The following ABCC2 variants were observed in gnomAD, a reference collection of about 807,000 sequenced individuals.
ABCC2 encodes ATP binding cassette subfamily C member 2, also known as ATP-binding cassette sub-family C member 2.
ABCC2 carries 157 observed loss-of-function variants against 173.4 expected under a neutral mutation model. That is an observed-to-expected ratio of 0.91 (90% confidence interval 0.80 to 1.03). The LOEUF (loss-of-function observed/expected upper bound fraction) is 1.03. Ranked by LOEUF, ABCC2 falls within the 50% of genes least tolerant of loss-of-function variation. ABCC2 has a pLI of 0.00. For synonymous variants in ABCC2, 657 were observed against 693.5 expected (o/e 0.95, Z 0.83); for missense variants, 1,822 against 1,852.3 (o/e 0.98, Z 0.30).
Position 99,800,415 on chromosome 10 carries a change from A to G in ABCC2, c.1061A>G (p.Asp354Gly). 1 of 1,614,122 alleles carries G rather than the reference A, an allele frequency of 6.2e-7. No individual in the cohort carries two copies. Among genetic ancestry groups the G allele is most frequent in the Non-Finnish European group, 8.5e-7 (1 of 1,180,010 alleles). The change falls in exon 9 of 32, where the codon GAC (aspartate) becomes GGC (glycine). Residue 354 changes from aspartate to glycine, a missense_variant. Asp to Gly is a moderately conservative substitution (Grantham distance 94). Transcript: ENST00000647814. ...CTGATCTCCTTTGCAAGTGACCGTG[A>G]CACATATTTGTGGATTGGATATCTC... ...KLLISFASDR[D>G]TYLWIGYLCA...
chr10:99,785,664 G>A (rs2037695959), intron 2 of ABCC2, among the ~76,000 whole-genome samples: 1 of 151,940 alleles, frequency 6.6e-6, no homozygotes, highest in Non-Finnish European at 1.5e-5. Context: ...GATTACAGGA[G>A]CACGCCACCA....
chr10:99,845,549 G>C lies in ABCC2; in HGVS notation c.3988-75G>C, dbSNP rs930226754. 3 of 1,576,554 alleles carry C rather than the reference G, an allele frequency of 1.9e-6. No individual in the cohort carries two copies. The African/African-American group carries it at 4.1e-5, about 21-fold the overall frequency. On this transcript the variant is annotated intron_variant, in intron 28 of 31. Coordinates refer to ENST00000647814, the MANE Select transcript of ABCC2 (RefSeq NM_000392.5). ...TCACTGCCTCTTACCTCCTGTGACTGTGAATGCCCAGGCTAAATAACTTTT... is the reference window on the plus strand; with the variant it reads ...TCACTGCCTCTTACCTCCTGTGACTCTGAATGCCCAGGCTAAATAACTTTT...
intron 23 of ABCC2, among the ~76,000 whole-genome samples, chr10:99,832,636 G>A (rs1331619456): frequency 3.3e-5 from 5 of 152,194 alleles, no homozygotes; most frequent in Non-Finnish European, 7.3e-5. Context: ...ACAAGAGATA[G>A]TAGGATAACC....
intron 25 of ABCC2, among the ~76,000 whole-genome samples, chr10:99,839,059 G>A (rs1355269614): frequency 9.0e-5 from 12 of 132,658 alleles, no homozygotes; most frequent in African/African-American, 2.3e-4. Flanking sequence ...CTCACCTCCC[G>A]GACGGGGCGG....
chr10:99,799,525 A>T (rs972755202), intron 8 of ABCC2, among the ~76,000 whole-genome samples, 155 bp downstream of exon 8: 1 of 152,190 alleles, frequency 6.6e-6, no homozygotes, highest in East Asian at 1.9e-4. Flanking sequence ...TGTGTTCATG[A>T]AGACCGCAGG....
chr10:99,830,419 A>G lies in ABCC2; in HGVS notation c.2733A>G (p.Arg911=), dbSNP rs1175974628. 1.9e-6 allele frequency: 3 copies of G among 1,614,112 alleles called. No homozygotes were observed. The highest frequency in any genetic ancestry group is 2.5e-6 in the Non-Finnish European group (3 of 1,180,034). The change falls in exon 20 of 32, where the codon CGA becomes CGG. Residue 911 remains arginine, a synonymous_variant. Transcript: ENST00000647814. ...ITMRRENSFR[R]TLSRSSRSNG... Reference sequence around the variant, plus strand: ...TGAGAAGAGAGAACAGCTTTCGTCGAACACTTAGCCGCAGGTTGGCTATCT... The same window carrying G: ...TGAGAAGAGAGAACAGCTTTCGTCGGACACTTAGCCGCAGGTTGGCTATCT...
intron 19 of ABCC2, among the ~76,000 whole-genome samples, chr10:99,822,563 G>A (rs1417226882): frequency 1.3e-5 from 2 of 151,402 alleles, no homozygotes; most frequent in African/African-American, 2.4e-5. Context: ...TCTCCCCCAC[G>A]TTATCACCTT....
At chr10:99,830,262 G>C (rs1026005351) in intron 19 of ABCC2, 45 bp from the exon 20 acceptor site, 2 of 1,613,282 alleles carry the variant, frequency 1.2e-6, no homozygotes, top group Non-Finnish European at 8.5e-7. Flanking sequence ...AGGACTGACA[G>C]GGATCTATGC....
chr10:99,797,001 C>A, intron 6 of ABCC2, 96 bp from the exon 7 acceptor site: 1 of 1,075,006 alleles, frequency 9.3e-7, no homozygotes, highest in Non-Finnish European at 1.4e-6. Flanking sequence ...TTCTGTCCCT[C>A]TATCCCAGAA....
chr10:99,834,173 G>A (rs1021830351), intron 23 of ABCC2, among the ~76,000 whole-genome samples: 13 of 152,146 alleles, frequency 8.5e-5, no homozygotes, highest in African/African-American at 2.7e-4. Context: ...TGACCACCAC[G>A]CCAGGCCTAA....
In ABCC2 at chr10:99,851,748, AT is replaced by A; in HGVS notation, c.*118del. On this transcript the variant is annotated 3_prime_UTR_variant, in exon 32 of 32. Transcript: ENST00000647814. ...TATAAAATGTACGTTTTAAAAAAGG[AT>A]AAGTGAACACCCATGAACCTACTAC... 9.2e-7 allele frequency: 1 copy of A among 1,081,260 alleles called. No homozygotes were observed. Among genetic ancestry groups the A allele is most frequent in the Non-Finnish European group, 1.3e-6 (1 of 758,866 alleles). The allele number at this position is 1,081,260 out of a possible 1,614,324, so 67.0% of individuals were successfully genotyped here. A position where few individuals can be genotyped will look rare whatever the true frequency, so the allele number is the denominator to read the frequency against.
chr10:99,796,590 A>G (rs1461984053), intron 6 of ABCC2, among the ~76,000 whole-genome samples: 1 of 152,144 alleles, frequency 6.6e-6, no homozygotes, highest in Non-Finnish European at 1.5e-5. Flanking sequence ...AAGCTTAAGC[A>G]GGAGAATCAC....
At chr10:99,823,223 A>C (rs1285484915) in intron 19 of ABCC2, among the ~76,000 whole-genome samples, 1 of 152,010 alleles carries the variant, frequency 6.6e-6, no homozygotes, top group Non-Finnish European at 1.5e-5. Context: ...ATGTGACATC[A>C]AATTTGTTTT....
At chr10:99,797,027 T>A in intron 6 of ABCC2, 70 bp from the exon 7 acceptor site, 1 of 1,345,456 alleles carries the variant, frequency 7.4e-7, no homozygotes, top group Non-Finnish European at 1.1e-6. Flanking sequence ...AGGTAGGTTC[T>A]GATAGAAGTG....
chr10:99,817,504 A>T lies in ABCC2; in HGVS notation c.2271+20A>T. 1.9e-6 allele frequency: 3 copies of T among 1,613,836 alleles called. No individual in the cohort carries two copies. The highest frequency in any genetic ancestry group is 2.5e-6 in the Non-Finnish European group (3 of 1,179,826). ...GAGAAGGTACTTGGGATAACAAGGG[A>T]TCTTCAAGGGTGAAGGCATATTGAA... On this transcript the variant is annotated intron_variant, in intron 17 of 31. Transcript: ENST00000647814.
chr10:99,845,538 C>G (rs746488917), intron 28 of ABCC2, 86 bp from the exon 29 acceptor site: 2 of 1,536,954 alleles, frequency 1.3e-6, no homozygotes, highest in South Asian at 2.2e-5. Flanking sequence ...TGCCTCTTAC[C>G]TCCTGTGACT....
intron 10 of ABCC2, among the ~76,000 whole-genome samples, chr10:99,804,922 A>G (rs1471418238): frequency 1.3e-5 from 2 of 152,238 alleles, no homozygotes. Flanking sequence ...GAGACAGGCA[A>G]TACACAAAGA....
rs1402428419 is a variant in ABCC2 at position 99,814,442 on chromosome 10, CATATGTGTGTATATACATACACACAT to C, written c.2094+1301_2094+1326del. 1.9e-5 allele frequency among the ~76,000 whole-genome samples: 2 copies of C among 106,302 alleles called. 1 individual carries two copies. The highest frequency in any genetic ancestry group is 8.5e-5 in the African/African-American group (2 of 23,482). The allele number at this position is 106,302 out of a possible 152,430, so 69.7% of individuals were successfully genotyped here. A position where few individuals can be genotyped will look rare whatever the true frequency, so the allele number is the denominator to read the frequency against. ...ATGTGTGCATATATGTGTATACACA[CATATGTGTGTATATACATACACACAT>C]ATGTGTGTATATACATACACACAAA... is the stretch of plus-strand genomic sequence containing the variant. On this transcript the variant is annotated intron_variant, in intron 16 of 31. Coordinates refer to ENST00000647814, the MANE Select transcript of ABCC2 (RefSeq NM_000392.5).
intron 29 of ABCC2, 120 bp downstream of exon 29, chr10:99,845,902 G>A: frequency 8.7e-7 from 1 of 1,152,142 alleles, no homozygotes; most frequent in African/African-American, 1.5e-5. Context: ...GTCTACTCGG[G>A]ATACTTGAGC....
Sources: allele counts gnomAD v4.1 joint callset (sites outside exome capture counted in the v4.1 genomes callset), GRCh38; gene constraint gnomAD v4.1.1; transcripts MANE v1.5; gene names NCBI Gene and HGNC (gene_info 2026-07-23, HGNC 2026-07-21).